Variants in C1QTNF3 observed in about 807,000 individuals in gnomAD.
The protein encoded by C1QTNF3 is complement C1q tumor necrosis factor-related protein 3.
A neutral mutation model predicts 32.6 loss-of-function variants in C1QTNF3; 26 were observed. The ratio of observed to expected loss-of-function variants is 0.80; its 90% CI spans 0.58 to 1.11. C1QTNF3 has a LOEUF of 1.11. Ranked by LOEUF, C1QTNF3 falls within the 50% of genes least tolerant of loss-of-function variation. C1QTNF3 has a pLI of 0.00. For missense variants in C1QTNF3, 362 were observed against 398.2 expected (o/e 0.91, Z 0.77); for synonymous variants, 155 against 146.0 (o/e 1.06, Z -0.44).
intron 3 of C1QTNF3, among the ~76,000 whole-genome samples, chr5:34,032,843 AATAT>A (rs1051764248): frequency 7.2e-5 from 11 of 152,304 alleles, no homozygotes; most frequent in African/African-American, 2.6e-4. Flanking sequence ...GAGAGAAAAC[AATAT>A]ATATCAATAT....
At chr5:34,160,737 A>T in the C1QTNF3 span, among the ~76,000 whole-genome samples, 1 of 152,168 alleles carries the variant, frequency 6.6e-6, no homozygotes, top group African/African-American at 2.4e-5. Context: ...TATCTGCTAA[A>T]AGCACTGTGA....
chr5:34,076,336 C>T, the C1QTNF3 span, among the ~76,000 whole-genome samples: 1 of 151,350 alleles, frequency 6.6e-6, no homozygotes, highest in Admixed American at 6.6e-5. Flanking sequence ...TAGAAAATAC[C>T]TAGTGCTTAA....
chr5:34,173,373 T>A, the C1QTNF3 span, among the ~76,000 whole-genome samples: 1 of 148,854 alleles, frequency 6.7e-6, no homozygotes, highest in African/African-American at 2.5e-5. Context: ...ATATACTACT[T>A]CTGATATTAT....
chr5:34,170,009 T>C, the C1QTNF3 span, among the ~76,000 whole-genome samples: 1 of 152,178 alleles, frequency 6.6e-6, no homozygotes, highest in Non-Finnish European at 1.5e-5. Flanking sequence ...TTTTTCACAA[T>C]AGCCAATATA....
the C1QTNF3 span, among the ~76,000 whole-genome samples, chr5:34,126,136 TATA>T: frequency 6.6e-6 from 1 of 152,254 alleles, no homozygotes. Context: ...AATGTTTGCC[TATA>T]ATATCTCATA....
At chr5:34,166,121 A>G in the C1QTNF3 span, 1 of 151,556 alleles carries the variant, frequency 6.6e-6, no homozygotes, top group Non-Finnish European at 1.5e-5. Flanking sequence ...TAAATAATAT[A>G]ATATTTTCTA....
At chr5:34,224,470 C>G in the C1QTNF3 span, among the ~76,000 whole-genome samples, 2 of 152,138 alleles carry the variant, frequency 1.3e-5, no homozygotes, top group African/African-American at 4.8e-5. Context: ...ATCAATGGAA[C>G]AGAACAGAGC....
At chr5:34,175,831 T>A in the C1QTNF3 span, 1 of 782,656 alleles carries the variant, frequency 1.3e-6, no homozygotes, top group Non-Finnish European at 2.4e-6. Context: ...CACTGGTTAG[T>A]CATGAAATCG....
chr5:34,081,214 C>T, the C1QTNF3 span, among the ~76,000 whole-genome samples: 5 of 151,606 alleles, frequency 3.3e-5, no homozygotes, highest in Non-Finnish European at 5.9e-5. Flanking sequence ...TTATTATTAT[C>T]CTTTTATGAC....
the C1QTNF3 span, among the ~76,000 whole-genome samples, chr5:34,064,007 G>T: frequency 2.0e-4 from 30 of 152,274 alleles, 1 homozygote; most frequent in African/African-American, 6.7e-4. Flanking sequence ...CAGGATGCCA[G>T]CTTTCTGCCT....
the C1QTNF3 span, chr5:34,244,536 T>C: frequency 6.6e-6 from 1 of 152,152 alleles, no homozygotes; most frequent in Non-Finnish European, 1.5e-5. Flanking sequence ...CTGTTTACAA[T>C]CCTTTAGCTA....
the C1QTNF3 span, among the ~76,000 whole-genome samples, chr5:34,188,934 A>G: frequency 1.3e-5 from 2 of 151,730 alleles, no homozygotes; most frequent in African/African-American, 4.9e-5. Context: ...GGGTGGGGCC[A>G]GGTGGAGATA....
chr5:34,041,823 T>C (rs1319274718), intron 1 of C1QTNF3, among the ~76,000 whole-genome samples: 1 of 151,998 alleles, frequency 6.6e-6, no homozygotes, highest in African/African-American at 2.4e-5. Flanking sequence ...TCTGACCATA[T>C]AACCAAACAA....
the C1QTNF3 span, among the ~76,000 whole-genome samples, chr5:34,051,170 C>T: frequency 2.6e-5 from 4 of 152,308 alleles, no homozygotes; most frequent in Middle Eastern, 6.8e-3. Flanking sequence ...TGGGACACTA[C>T]AGCAAACCCT....
At chr5:34,058,314 T>C in the C1QTNF3 span, among the ~76,000 whole-genome samples, 1 of 152,140 alleles carries the variant, frequency 6.6e-6, no homozygotes, top group Non-Finnish European at 1.5e-5. Flanking sequence ...TCATCATCAC[T>C]TGAAGGTTGC....
At chr5:34,111,824 AAAAC>A in the C1QTNF3 span, among the ~76,000 whole-genome samples, 1 of 152,166 alleles carries the variant, frequency 6.6e-6, no homozygotes, top group Non-Finnish European at 1.5e-5. Context: ...ATGAAAGTAA[AAAAC>A]AAGGGAATTA....
chr5:34,126,621 G>T, the C1QTNF3 span, among the ~76,000 whole-genome samples: 1 of 146,762 alleles, frequency 6.8e-6, no homozygotes, highest in South Asian at 2.3e-4. Context: ...CATGAAATCA[G>T]CATGATGAAG....
the C1QTNF3 span, among the ~76,000 whole-genome samples, chr5:34,137,396 T>A: frequency 6.6e-6 from 1 of 152,288 alleles, no homozygotes; most frequent in East Asian, 1.9e-4. Context: ...ATTCAAGGAT[T>A]GTTACCACTC....
the C1QTNF3 span, among the ~76,000 whole-genome samples, chr5:34,108,602 T>G: frequency 2.1e-4 from 32 of 152,170 alleles, 1 homozygote; most frequent in African/African-American, 7.7e-4. Flanking sequence ...TATTTCAGTA[T>G]TTTAAGTCTT....
Sources: allele counts gnomAD v4.1 joint callset (sites outside exome capture counted in the v4.1 genomes callset), GRCh38; gene constraint gnomAD v4.1.1; transcripts MANE v1.5; gene names NCBI Gene and HGNC (gene_info 2026-07-23, HGNC 2026-07-21).